Variants in ERICH3 observed in about 807,000 individuals in gnomAD.
ERICH3 encodes the protein glutamate-rich protein 3.
ERICH3 carries 126 observed loss-of-function variants against 131.1 expected under a neutral mutation model. The ratio of observed to expected loss-of-function variants is 0.96; its 90% CI spans 0.83 to 1.11. ERICH3 has a LOEUF of 1.11. Among genes scored for constraint, ERICH3 ranks in the 50% most tolerant of loss-of-function variants. The probability of loss-of-function intolerance (pLI) is 0.00; values close to 1 mark genes in which losing one functional copy is unlikely to be tolerated. For synonymous variants in ERICH3, 695 were observed against 644.6 expected (o/e 1.08, Z -1.18); for missense variants, 2,050 against 1,810.7 (o/e 1.13, Z -2.40).
chr1:74,585,343 T>G (rs1235705051), intron 12 of ERICH3, among the ~76,000 whole-genome samples: 1 of 152,220 alleles, frequency 6.6e-6, no homozygotes, highest in Non-Finnish European at 1.5e-5. Context: ...CTTCACTGTG[T>G]ACAGTACATC....
intron 7 of ERICH3, among the ~76,000 whole-genome samples, chr1:74,628,951 T>C (rs1649503014): frequency 6.6e-6 from 1 of 152,004 alleles, no homozygotes; most frequent in South Asian, 2.1e-4. Flanking sequence ...ACTAAACACA[T>C]AAAAAGTCTA....
In ERICH3 at chr1:74,586,177, C is replaced by T. The variant is rs959677175; in HGVS notation, c.2176+3454G>A. On this transcript the variant is annotated intron_variant, in intron 12 of 14. Transcript: ENST00000326665. ...AACGTGCAGTTATACAATACTGTGG[C>T]AATATAAGAATAACAGATAAGGTGA... Among the ~76,000 whole-genome samples the T allele has an allele frequency of 6.0e-4, 91 of 151,742 alleles. No homozygotes were observed. In the Middle Eastern group the frequency reaches 0.01, roughly 17 times the overall value.
At position 74,631,829 on chromosome 1, in the gene ERICH3, G is replaced by A. The variant is rs1319714520; in HGVS notation, c.703C>T (p.Pro235Ser). The change falls in exon 7 of 15, where the codon CCT becomes TCT. Residue 235 changes from proline (P) to serine (S), a missense_variant. Pro to Ser is a moderately conservative substitution (Grantham distance 74). Coordinates refer to ENST00000326665, the MANE Select transcript of ERICH3 (RefSeq NM_001002912.5). ...PNINSYMMPI[P>S]PPLPPTGKIT... Reference sequence around the variant, plus strand: ...TTCCCAGTTGGGGGAAGTGGAGGAGGAATAGGCATCATGTAACTGTTAATG... The same window carrying A: ...TTCCCAGTTGGGGGAAGTGGAGGAGAAATAGGCATCATGTAACTGTTAATG... The A allele has an allele frequency of 6.2e-7, 1 of 1,613,374 alleles. No homozygotes were observed. Among genetic ancestry groups the A allele is most frequent in the Non-Finnish European group, 8.5e-7 (1 of 1,179,474 alleles).
At chr1:74,656,974 T>G (rs987420413) in intron 1 of ERICH3, among the ~76,000 whole-genome samples, 1 of 152,198 alleles carries the variant, frequency 6.6e-6, no homozygotes. Context: ...CACAGTAAAC[T>G]GTCACAAACC....
chr1:74,636,577 C>A, intron 5 of ERICH3, 139 bp from the exon 6 acceptor site: 4 of 825,464 alleles, frequency 4.8e-6, no homozygotes, highest in South Asian at 4.4e-5. Flanking sequence ...TATGTCCTTC[C>A]ATTATACATA....
intron 13 of ERICH3, among the ~76,000 whole-genome samples, chr1:74,574,797 A>C (rs1313997626): frequency 1.3e-5 from 2 of 152,190 alleles, no homozygotes; most frequent in East Asian, 3.9e-4. Flanking sequence ...AAAATAAGTA[A>C]AGAAAGGCAT....
chr1:74,572,942 C>T lies in ERICH3; in HGVS notation c.2768G>A (p.Arg923Lys), dbSNP rs1163939359. The change falls in exon 14 of 15, where the codon AGA becomes AAA. Residue 923 changes from arginine (R) to lysine (K), a missense_variant. By Grantham distance (26) the Arg-to-Lys change is conservative. Coordinates refer to ENST00000326665, the MANE Select transcript of ERICH3 (RefSeq NM_001002912.5). ...TCCCTCCTCCGATGTCGCTGCCTCT[C>T]TCAGGGCTGCTACTTCATGAAGATG... is the stretch of plus-strand genomic sequence containing the variant. Reference protein sequence around the residue: ...LEHLHEVAALREAATSEEGEA... With the variant: ...LEHLHEVAALKEAATSEEGEA... The T allele has an allele frequency of 2.5e-6, 4 of 1,614,012 alleles. No homozygotes were observed. The South Asian group carries it at 3.3e-5, about 13-fold the overall frequency.
At chr1:74,618,180 A>G (rs1212849771) in intron 8 of ERICH3, among the ~76,000 whole-genome samples, 2 of 152,106 alleles carry the variant, frequency 1.3e-5, no homozygotes, top group Admixed American at 1.3e-4. Flanking sequence ...AAAATTAAAA[A>G]CCGTTAATAT....
intron 1 of ERICH3, among the ~76,000 whole-genome samples, chr1:74,656,504 T>C (rs756472227): frequency 6.6e-6 from 1 of 152,150 alleles, no homozygotes; most frequent in Non-Finnish European, 1.5e-5. Flanking sequence ...TGCCCTCGAC[T>C]TGAGTTCCAA....
intron 1 of ERICH3, among the ~76,000 whole-genome samples, chr1:74,653,420 CGAGAGA>C (rs139869173): frequency 8.2e-5 from 11 of 134,840 alleles, no homozygotes; most frequent in South Asian, 2.4e-4. Flanking sequence ...AGAGAGAGAA[CGAGAGA>C]GAGAGAGAGA....
intron 3 of ERICH3, among the ~76,000 whole-genome samples, chr1:74,645,565 C>T (rs1341170194): frequency 2.0e-5 from 3 of 151,866 alleles, no homozygotes; most frequent in Non-Finnish European, 2.9e-5. Context: ...TTTTGGAAAA[C>T]TAGGCTTCAA....
At chr1:74,635,667 G>A (rs903425138) in intron 6 of ERICH3, among the ~76,000 whole-genome samples, 1 of 151,914 alleles carries the variant, frequency 6.6e-6, no homozygotes, top group Non-Finnish European at 1.5e-5. Flanking sequence ...CCCTATTTAA[G>A]TAACTCATGT....
chr1:74,671,688 A>G (rs1646745007), intron 1 of ERICH3, among the ~76,000 whole-genome samples: 3 of 152,252 alleles, frequency 2.0e-5, no homozygotes, highest in Non-Finnish European at 4.4e-5. Context: ...GGTAGTTCAT[A>G]TAAAACACTA....
At position 74,646,867 on chromosome 1, in the gene ERICH3, T is replaced by C; in HGVS notation, c.118-75A>G. 2 of 582,650 alleles carry C rather than the reference T, an allele frequency of 3.4e-6. 1 individual carries two copies. 36.1% of individuals were successfully genotyped at this position (582,650 alleles called of 1,614,324 possible). On this transcript the variant is annotated intron_variant, in intron 2 of 14. Transcript: ENST00000326665. ...GTGTTAGTTTCCAAAAAAGGGAGGC[T>C]GGAGGGTGGAGAAGACAGACAGACA...
chr1:74,650,803 C>A (rs537808582), intron 1 of ERICH3, among the ~76,000 whole-genome samples: 2 of 150,770 alleles, frequency 1.3e-5, no homozygotes, highest in African/African-American at 4.9e-5. Flanking sequence ...TTGAAACCAC[C>A]GGAAGTGAAA....
chr1:74,606,777 A>C lies in ERICH3; in HGVS notation c.1313T>G (p.Val438Gly). Residue 438 changes from valine to glycine, a missense_variant, in exon 10 of 15, where the codon GTG becomes GGG. By Grantham distance (109) the Val-to-Gly change is moderately radical (BLOSUM62 -3). Transcript: ENST00000326665. ...CTTGATCTCATTTCTTTTTGGTATC[A>C]CATACTCTCTCTCTTTCCTCACTTT... ...EGKVRKEREY[V>G]IPKRNEIKEN... 6.2e-7 allele frequency: 1 copy of C among 1,613,362 alleles called. No individual in the cohort carries two copies. The highest frequency in any genetic ancestry group is 1.1e-5 in the South Asian group (1 of 91,058).
intron 1 of ERICH3, among the ~76,000 whole-genome samples, chr1:74,666,558 C>T (rs904924383): frequency 1.2e-4 from 19 of 152,136 alleles, no homozygotes; most frequent in Middle Eastern, 3.4e-3. Flanking sequence ...TACTTTAATC[C>T]GAGTATATTT....
intron 6 of ERICH3, chr1:74,634,837 A>G (rs1646374056): frequency 1.7e-6 from 1 of 590,946 alleles, no homozygotes; most frequent in South Asian, 2.3e-5. Flanking sequence ...CATTCCCAAG[A>G]TGAGATGGGT....
chr1:74,606,953 A>T, intron 9 of ERICH3, 51 bp from the exon 10 acceptor site: 7 of 1,497,204 alleles, frequency 4.7e-6, no homozygotes, highest in Non-Finnish European at 6.3e-6. Flanking sequence ...AGACAGCACA[A>T]TGGAACCTCA....
Sources: allele counts gnomAD v4.1 joint callset (sites outside exome capture counted in the v4.1 genomes callset), GRCh38; gene constraint gnomAD v4.1.1; transcripts MANE v1.5; gene names NCBI Gene and HGNC (gene_info 2026-07-23, HGNC 2026-07-21).